Variants in UGT8 observed in about 807,000 individuals in gnomAD.
UGT8 encodes UDP glycosyltransferase 8, also known as 2-hydroxyacylsphingosine 1-beta-galactosyltransferase.
UGT8 carries 12 observed loss-of-function variants against 40.5 expected under a neutral mutation model. The ratio of observed to expected loss-of-function variants is 0.30; its 90% CI spans 0.19 to 0.48. The LOEUF is 0.48. UGT8 is among the 20% of genes least tolerant of loss of function. UGT8 has a pLI of 0.99. For synonymous variants in UGT8, 224 were observed against 240.4 expected (o/e 0.93, Z 0.63); for missense variants, 513 against 648.7 (o/e 0.79, Z 2.27).
chr4:114,659,208 A>G (rs2126128492), intron 2 of UGT8, among the ~76,000 whole-genome samples: 1 of 152,356 alleles, frequency 6.6e-6, no homozygotes, highest in South Asian at 2.1e-4. Flanking sequence ...AATGTATATT[A>G]TCCATATTTC....
intron 1 of UGT8, among the ~76,000 whole-genome samples, chr4:114,616,408 G>C (rs1236252874): frequency 6.6e-6 from 1 of 152,216 alleles, no homozygotes; most frequent in Non-Finnish European, 1.5e-5. Context: ...CCATGCGGGG[G>C]ATATAATCTC....
At chr4:114,635,684 C>A (rs1036156385) in intron 2 of UGT8, among the ~76,000 whole-genome samples, 16 of 152,006 alleles carry the variant, frequency 1.1e-4, no homozygotes, top group Non-Finnish European at 1.8e-4. Context: ...AATGCTTTCC[C>A]CCCTCATAAA....
intron 1 of UGT8, chr4:114,622,656 T>A (rs567739308): frequency 2.4e-5 from 11 of 452,892 alleles, no homozygotes; most frequent in African/African-American, 1.4e-4. Flanking sequence ...GATATCTCAT[T>A]GTGGTTTTGA....
Position 114,623,609 on chromosome 4 carries a change from T to C in UGT8, c.729T>C (p.Cys243=). ...ATGGGTCCAGCCTGTGGATGCTGTGTACTGACGTAGCACTGGAATTCCCAA... is the reference window on the plus strand; with the variant it reads ...ATGGGTCCAGCCTGTGGATGCTGTGCACTGACGTAGCACTGGAATTCCCAA... ...LVHGSSLWML[C]TDVALEFPRP... The change falls in exon 2 of 6, where the codon TGT becomes TGC. Residue 243 remains cysteine (C), a synonymous_variant. Coordinates refer to ENST00000310836, the MANE Select transcript of UGT8 (RefSeq NM_001128174.3). 2 of 1,614,154 alleles carry C rather than the reference T, an allele frequency of 1.2e-6. No homozygotes were observed. The highest frequency in any genetic ancestry group is 4.5e-5 in the East Asian group (2 of 44,872).
At position 114,677,654 on chromosome 4, in the gene UGT8, T is replaced by A. The variant is rs982761845; in HGVS notation, c.*1366T>A. 1.3e-5 allele frequency: 2 copies of A among 152,248 alleles called. No homozygotes were observed. Among genetic ancestry groups the A allele is most frequent in the Non-Finnish European group, 2.9e-5 (2 of 68,044 alleles). The allele number at this position is 152,248 out of a possible 1,614,324, so 9.4% of individuals were successfully genotyped here. On this transcript the variant is annotated 3_prime_UTR_variant, in exon 6 of 6. Coordinates refer to ENST00000310836, the MANE Select transcript of UGT8 (RefSeq NM_001128174.3). ...GCTGAAGCATTCACTAGTTGGCAAC[T>A]ATGAATTTATTCCATGTCATTCTGT...
chr4:114,646,468 TA>T (rs1350258165), intron 2 of UGT8, among the ~76,000 whole-genome samples: 1 of 152,098 alleles, frequency 6.6e-6, no homozygotes, highest in Non-Finnish European at 1.5e-5. Flanking sequence ...ATCATTATGA[TA>T]ATAATCATCA....
At chr4:114,613,927 A>G (rs1206467490) in intron 1 of UGT8, among the ~76,000 whole-genome samples, 1 of 152,240 alleles carries the variant, frequency 6.6e-6, no homozygotes, top group Non-Finnish European at 1.5e-5. Flanking sequence ...TTTAATCACC[A>G]TCATCAGGCA....
intron 2 of UGT8, among the ~76,000 whole-genome samples, chr4:114,643,483 C>T (rs554437474): frequency 1.3e-5 from 2 of 152,136 alleles, no homozygotes; most frequent in Non-Finnish European, 2.9e-5. Context: ...TATATTATCA[C>T]ATTTTTCTGA....
At chr4:114,628,133 G>A (rs1410400793) in intron 2 of UGT8, among the ~76,000 whole-genome samples, 1 of 148,942 alleles carries the variant, frequency 6.7e-6, no homozygotes, top group Non-Finnish European at 1.5e-5. Flanking sequence ...AAGTTGTTGA[G>A]TTTTTTTTTT....
chr4:114,663,477 G>C (rs1405314209), intron 2 of UGT8, among the ~76,000 whole-genome samples: 1 of 151,986 alleles, frequency 6.6e-6, no homozygotes, highest in Non-Finnish European at 1.5e-5. Flanking sequence ...CAAAAGGATG[G>C]CATCATTAAA....
chr4:114,609,617 G>A (rs1247701037), intron 1 of UGT8, among the ~76,000 whole-genome samples: 2 of 152,082 alleles, frequency 1.3e-5, no homozygotes, highest in Admixed American at 1.3e-4. Flanking sequence ...TTACAAATTT[G>A]TGTGGGGGAG....
intron 2 of UGT8, among the ~76,000 whole-genome samples, chr4:114,637,781 G>A (rs926880402): frequency 6.6e-6 from 1 of 152,162 alleles, no homozygotes; most frequent in African/African-American, 2.4e-5. Flanking sequence ...AGCCTATGAA[G>A]GTTAAAAACA....
At chr4:114,637,172 C>T (rs976324053) in intron 2 of UGT8, among the ~76,000 whole-genome samples, 10 of 152,236 alleles carry the variant, frequency 6.6e-5, no homozygotes, top group South Asian at 2.1e-4. Context: ...TCCACTCCTA[C>T]GGGCGATTAT....
At chr4:114,673,252 C>T (rs960790771) in intron 5 of UGT8, among the ~76,000 whole-genome samples, 1 of 152,126 alleles carries the variant, frequency 6.6e-6, no homozygotes, top group Non-Finnish European at 1.5e-5. Context: ...GCTCATGGGA[C>T]AATGCCACTA....
At chr4:114,649,067 T>C (rs1201923465) in intron 2 of UGT8, among the ~76,000 whole-genome samples, 4 of 152,180 alleles carry the variant, frequency 2.6e-5, no homozygotes, top group Non-Finnish European at 5.9e-5. Flanking sequence ...GATTTTAGCT[T>C]TTCTTTAAAA....
intron 5 of UGT8, among the ~76,000 whole-genome samples, chr4:114,669,647 G>A (rs1735110968): frequency 6.6e-6 from 1 of 152,152 alleles, no homozygotes; most frequent in Non-Finnish European, 1.5e-5. Flanking sequence ...GCAAGAACAG[G>A]TTGCAATCTT....
In UGT8 at chr4:114,623,721, C is replaced by G; in HGVS notation, c.822+19C>G. ...ACCAGAAGTAAGGTTTGCCGAATTC[C>G]TTGGTAATTCTTTTTTAATGTAAAA... On this transcript the variant is annotated intron_variant, in intron 2 of 5. Coordinates refer to ENST00000310836, the MANE Select transcript of UGT8 (RefSeq NM_001128174.3). 1 of 1,555,894 alleles carries G rather than the reference C, an allele frequency of 6.4e-7. No homozygotes were observed. The highest frequency in any genetic ancestry group is 8.7e-7 in the Non-Finnish European group (1 of 1,155,330).
intron 4 of UGT8, among the ~76,000 whole-genome samples, chr4:114,666,661 A>G (rs1037027214): frequency 7.9e-5 from 12 of 152,168 alleles, no homozygotes; most frequent in African/African-American, 2.9e-4. Context: ...TCAGTGCGAC[A>G]GTGTGACACT....
intron 2 of UGT8, among the ~76,000 whole-genome samples, chr4:114,628,382 C>A (rs186154987): frequency 0.061 from 9,252 of 152,106 alleles, 378 homozygotes; most frequent in East Asian, 0.14. Flanking sequence ...TCAAGTGATT[C>A]AGCCACCTTG....
Sources: gnomAD v4.1 joint callset for allele counts (sites outside exome capture counted in the v4.1 genomes callset) on GRCh38, gnomAD v4.1.1 for gene constraint, MANE v1.5 for transcripts, NCBI Gene and HGNC (gene_info 2026-07-23, HGNC 2026-07-21) for gene names.